The following ZNF337 variants were observed in gnomAD, a reference collection of about 807,000 sequenced individuals.
ZNF337 encodes zinc finger protein 337.
In ZNF337, 8 loss-of-function variants were observed where a neutral mutation model predicts 12.1. The observed-to-expected ratio is 0.66, with a 90% CI of 0.39 to 1.19. ZNF337 has a LOEUF of 1.19. Ranked by LOEUF, ZNF337 falls within the 50% of genes most tolerant of loss-of-function variation. The probability of loss-of-function intolerance (pLI) is 0.01; values close to 1 mark genes in which losing one functional copy is unlikely to be tolerated. For missense variants in ZNF337, 882 were observed against 896.6 expected, an observed-to-expected ratio of 0.98 and a Z score of 0.21; for synonymous variants, 336 against 320.0, an observed-to-expected ratio of 1.05 and a Z score of -0.53.
Position 25,675,974 on chromosome 20 carries a change from C to T in ZNF337, c.1314G>A (p.Gly438=). 1.2e-6 allele frequency: 2 copies of T among 1,613,574 alleles called. No individual in the cohort carries two copies. The highest frequency in any genetic ancestry group is 1.7e-6 in the Non-Finnish European group (2 of 1,179,634). ...GGGTTGACTTCTGAATAAATCCTTG[C>T]CCACATTCTCTACAAACAAAAGGTT... ...GEKPFVCREC[G]QGFIQKSTLV... Residue 438 remains glycine (G), a synonymous_variant, in exon 5 of 5, where the codon GGG becomes GGA. Coordinates refer to ENST00000252979, the MANE Select transcript of ZNF337 (RefSeq NM_015655.4).
intron 4 of ZNF337, chr20:25,677,797 C>T (rs1254066688): frequency 6.6e-6 from 1 of 152,106 alleles, no homozygotes; most frequent in Non-Finnish European, 1.5e-5. Context: ...AGCAATCTGC[C>T]CATCTTGCCC....
At chr20:25,684,913 G>T (rs976696598) in intron 4 of ZNF337, among the ~76,000 whole-genome samples, 7 of 151,860 alleles carry the variant, frequency 4.6e-5, no homozygotes, top group Non-Finnish European at 1.0e-4. Flanking sequence ...ACTCATAAGT[G>T]GGAGTTGAAC....
chr20:25,688,654 T>G (rs1443838351), intron 1 of ZNF337, among the ~76,000 whole-genome samples: 1 of 152,262 alleles, frequency 6.6e-6, no homozygotes, highest in Non-Finnish European at 1.5e-5. Context: ...AGTATTTTTC[T>G]GCATTAAGAT....
chr20:25,685,379 GAGA>G (rs755498999), intron 4 of ZNF337, among the ~76,000 whole-genome samples, 185 bp downstream of exon 4: 63 of 152,188 alleles, frequency 4.1e-4, no homozygotes, highest in Non-Finnish European at 7.6e-4. Context: ...GGCTTCCTGG[GAGA>G]AGGAGTCCAG....
chr20:25,682,524 TAAC>T lies in ZNF337; in HGVS notation c.250+3040_250+3042del, dbSNP rs571321389. Among the ~76,000 whole-genome samples, 121 of 152,208 alleles carry T rather than the reference TAAC, an allele frequency of 7.9e-4. No individual in the cohort carries two copies. The Middle Eastern group carries it at 0.01, about 13-fold the overall frequency. ...ACTATAAAGCCACAGAAGAGTTAAA[TAAC>T]AACAACAAAAATCTTTATATATTGG... On this transcript the variant is annotated intron_variant, in intron 4 of 4. Coordinates refer to ENST00000252979, the MANE Select transcript of ZNF337 (RefSeq NM_015655.4).
chr20:25,688,736 A>G (rs960758976), intron 1 of ZNF337, among the ~76,000 whole-genome samples: 2 of 152,162 alleles, frequency 1.3e-5, no homozygotes, highest in Admixed American at 1.3e-4. Context: ...AACCCAAACC[A>G]CTCTGCCAAA....
intron 1 of ZNF337, among the ~76,000 whole-genome samples, chr20:25,692,545 T>A (rs2065890431): frequency 6.6e-6 from 1 of 152,186 alleles, no homozygotes; most frequent in African/African-American, 2.4e-5. Context: ...TCTCTCTACT[T>A]TAGTTCCTAC....
chr20:25,691,868 A>G (rs1214728812), intron 1 of ZNF337, among the ~76,000 whole-genome samples: 1 of 152,204 alleles, frequency 6.6e-6, no homozygotes, highest in Non-Finnish European at 1.5e-5. Context: ...GATACAGTCC[A>G]CGTCGCTCCT....
In ZNF337 at chr20:25,676,925, T is replaced by A. The variant is rs1569007585; in HGVS notation, c.363A>T (p.Gln121His). Reference sequence around the variant, plus strand: ...TGGGCTTAGTGCTTTTTTCTTTCTCTTGACCTTCAGCTGTGTCACTCTGGA... The same window carrying A: ...TGGGCTTAGTGCTTTTTTCTTTCTCATGACCTTCAGCTGTGTCACTCTGGA... Reference protein sequence around the residue: ...QSFQSDTAEGQEKEKSTKPMA... With the variant: ...QSFQSDTAEGHEKEKSTKPMA... The change falls in exon 5 of 5, where the codon CAA (glutamine) becomes CAT (histidine). Residue 121 changes from glutamine (Q) to histidine (H), a missense_variant. Transcript: ENST00000252979. The A allele has an allele frequency of 6.2e-7, 1 of 1,614,198 alleles. No homozygotes were observed. Among genetic ancestry groups the A allele is most frequent in the Non-Finnish European group, 8.5e-7 (1 of 1,180,022 alleles).
intron 1 of ZNF337, 48 bp downstream of exon 1, chr20:25,696,711 C>A (rs1018849269): frequency 2.0e-6 from 2 of 982,742 alleles, no homozygotes; most frequent in East Asian, 1.1e-4. Flanking sequence ...CTTCTTCCTG[C>A]GCCGGAAGGG....
At position 25,686,242 on chromosome 20, in the gene ZNF337, G is replaced by A. The variant is rs76254096; in HGVS notation, c.28-120C>T. The A allele has an allele frequency of 3.0e-3, 4,664 of 1,535,080 alleles. 141 individuals carry two copies. The African/African-American group carries it at 0.058, about 19-fold the overall frequency. On this transcript the variant is annotated intron_variant, in intron 2 of 4. Coordinates refer to ENST00000252979, the MANE Select transcript of ZNF337 (RefSeq NM_015655.4). ...CTTGATGAGTGACACCCACAGGCCA[G>A]TCACCTGCTGGAGGACGCCAGGAAA...
Position 25,676,457 on chromosome 20 carries a change from T to C in ZNF337, c.831A>G (p.Ser277=). The C allele has an allele frequency of 6.2e-7, 1 of 1,613,960 alleles. No homozygotes were observed. The highest frequency in any genetic ancestry group is 1.1e-5 in the South Asian group (1 of 91,068). The change falls in exon 5 of 5, where the codon TCA becomes TCG. Residue 277 remains serine, a synonymous_variant. Coordinates refer to ENST00000252979, the MANE Select transcript of ZNF337 (RefSeq NM_015655.4). The part of the protein sequence containing the change: ...KVCGRGYTSK[S]YLTVHERTHT... The stretch of plus-strand genomic sequence containing the variant: ...GTGTTCTCTCATGCACAGTGAGGTA[T>C]GACTTACTGGTATAGCCTCGTCCAC...
chr20:25,687,797 A>G (rs1031660491), intron 1 of ZNF337, among the ~76,000 whole-genome samples: 1 of 152,106 alleles, frequency 6.6e-6, no homozygotes, highest in Admixed American at 6.6e-5. Context: ...ATGCATAACT[A>G]TTTTCCTACC....
chr20:25,684,286 T>C (rs2065801559), intron 4 of ZNF337, among the ~76,000 whole-genome samples: 1 of 151,604 alleles, frequency 6.6e-6, no homozygotes, highest in African/African-American at 2.4e-5. Context: ...CACACCAGCA[T>C]GGCACATGTA....
intron 2 of ZNF337, 61 bp downstream of exon 2, chr20:25,686,330 G>T: frequency 6.6e-7 from 1 of 1,510,594 alleles, no homozygotes; most frequent in Non-Finnish European, 9.2e-7. Context: ...AACTGCTAGG[G>T]CCAGTGAAGG....
At chr20:25,680,449 G>A (rs1034971683) in intron 4 of ZNF337, among the ~76,000 whole-genome samples, 3 of 151,494 alleles carry the variant, frequency 2.0e-5, no homozygotes, top group African/African-American at 7.3e-5. Context: ...TCTACAAAGG[G>A]GAGATATTTA....
chr20:25,685,119 T>G (rs60003095), intron 4 of ZNF337, among the ~76,000 whole-genome samples: 3,398 of 125,874 alleles, frequency 0.027, 121 homozygotes, highest in African/African-American at 0.12. Flanking sequence ...AGAACTTAAA[T>G]TAAAAAAAAA....
At chr20:25,677,148 C>A (rs2065709171) in intron 4 of ZNF337, 111 bp from the exon 5 acceptor site, 8 of 895,420 alleles carry the variant, frequency 8.9e-6, no homozygotes, top group Non-Finnish European at 1.1e-5. Flanking sequence ...TCATAAAGAA[C>A]AACAAACACC....
At position 25,683,697 on chromosome 20, in the gene ZNF337, G is replaced by C. The variant is rs553140051; in HGVS notation, c.250+1870C>G. ...AGTTAGAATGGCAATCATTAAAAAG[G>C]AAACAACAGGTGCTGGAGAGGATGT... On this transcript the variant is annotated intron_variant, in intron 4 of 4. Coordinates refer to ENST00000252979, the MANE Select transcript of ZNF337 (RefSeq NM_015655.4). 3.9e-4 allele frequency among the ~76,000 whole-genome samples: 59 copies of C among 152,078 alleles called. No homozygotes were observed. The South Asian group carries it at 1.0e-2, about 26-fold the overall frequency.
Sources: allele counts gnomAD v4.1 joint callset (sites outside exome capture counted in the v4.1 genomes callset), GRCh38; gene constraint gnomAD v4.1.1; transcripts MANE v1.5; gene names NCBI Gene and HGNC (gene_info 2026-07-23, HGNC 2026-07-21).